LRRTM4: variants seen among roughly 807,000 people sequenced by gnomAD.
LRRTM4 encodes leucine-rich repeat transmembrane neuronal protein 4.
A neutral mutation model predicts 47.6 loss-of-function variants in LRRTM4; 25 were observed. The observed-to-expected ratio is 0.53, with a 90% CI of 0.38 to 0.73. The LOEUF (loss-of-function observed/expected upper bound fraction) is 0.73. Ranked by LOEUF, LRRTM4 falls within the 30% of genes least tolerant of loss-of-function variation. The probability of loss-of-function intolerance (pLI) is 0.00; values close to 1 mark genes in which losing one functional copy is unlikely to be tolerated. For missense variants in LRRTM4, 638 were observed against 713.4 expected (o/e 0.89, Z 1.20); for synonymous variants, 311 against 269.5 (o/e 1.15, Z -1.51).
intron 3 of LRRTM4, among the ~76,000 whole-genome samples, chr2:77,166,513 C>A (rs188941407): frequency 1.3e-5 from 2 of 152,014 alleles, no homozygotes; most frequent in East Asian, 1.9e-4. Flanking sequence ...TACTAAGCCA[C>A]AAGAACAAAG....
At chr2:77,421,521 C>A (rs1674883868) in intron 3 of LRRTM4, among the ~76,000 whole-genome samples, 2 of 152,148 alleles carry the variant, frequency 1.3e-5, no homozygotes, top group South Asian at 2.1e-4. Flanking sequence ...TCCTGGCTAA[C>A]ACGGTGAAAC....
At chr2:77,088,968 G>A (rs574398297) in intron 3 of LRRTM4, among the ~76,000 whole-genome samples, 15 of 152,068 alleles carry the variant, frequency 9.9e-5, no homozygotes, top group African/African-American at 3.4e-4. Flanking sequence ...AAGGAGACAC[G>A]TTTTATCCGT....
intron 3 of LRRTM4, among the ~76,000 whole-genome samples, chr2:77,154,974 C>T (rs1052586889): frequency 7.2e-5 from 11 of 151,938 alleles, no homozygotes; most frequent in African/African-American, 2.7e-4. Context: ...TGATTTGTAC[C>T]GGCCCTTGCA....
chr2:77,255,780 G>T (rs1675749064), intron 3 of LRRTM4, among the ~76,000 whole-genome samples: 1 of 151,874 alleles, frequency 6.6e-6, no homozygotes, highest in African/African-American at 2.4e-5. Flanking sequence ...AATGACGAAA[G>T]ATAAATTTAT....
chr2:77,384,224 T>G (rs1573342008), intron 3 of LRRTM4, among the ~76,000 whole-genome samples: 1 of 132,356 alleles, frequency 7.6e-6, no homozygotes, highest in Non-Finnish European at 1.7e-5. Context: ...GTAGATAAAG[T>G]TTTTTTTTTT....
At chr2:77,431,023 G>C (rs534895208) in intron 3 of LRRTM4, among the ~76,000 whole-genome samples, 2 of 148,834 alleles carry the variant, frequency 1.3e-5, no homozygotes, top group African/African-American at 5.2e-5. Flanking sequence ...TTAGACTCTG[G>C]AACTGGCATG....
intron 3 of LRRTM4, among the ~76,000 whole-genome samples, chr2:77,128,741 G>A (rs1671720104): frequency 6.6e-6 from 1 of 152,180 alleles, no homozygotes; most frequent in African/African-American, 2.4e-5. Context: ...CCGGGTTCAA[G>A]CGATTCTCCT....
chr2:77,170,001 T>C (rs891316157), intron 3 of LRRTM4, among the ~76,000 whole-genome samples: 13 of 152,318 alleles, frequency 8.5e-5, no homozygotes, highest in South Asian at 2.1e-4. Context: ...TGTGAATTCA[T>C]TGAGTTTTAT....
chr2:77,090,266 T>C (rs1057413025), intron 3 of LRRTM4, among the ~76,000 whole-genome samples: 2 of 152,100 alleles, frequency 1.3e-5, no homozygotes, highest in Non-Finnish European at 2.9e-5. Context: ...TTTTTCTTTA[T>C]CCCAAATCAG....
intron 3 of LRRTM4, among the ~76,000 whole-genome samples, chr2:77,026,913 A>C (rs1371176027): frequency 6.6e-6 from 1 of 152,164 alleles, no homozygotes; most frequent in African/African-American, 2.4e-5. Context: ...AGGAAATGTT[A>C]TTTTGAAGGA....
chr2:77,219,610 C>T (rs1165865536), intron 3 of LRRTM4, among the ~76,000 whole-genome samples: 1 of 152,148 alleles, frequency 6.6e-6, no homozygotes, highest in African/African-American at 2.4e-5. Context: ...AGACCTTTAC[C>T]ACAGTGTAAA....
chr2:77,077,630 C>A (rs1346868746), intron 3 of LRRTM4, among the ~76,000 whole-genome samples: 1 of 152,072 alleles, frequency 6.6e-6, no homozygotes, highest in Admixed American at 6.6e-5. Flanking sequence ...TGAGATAATT[C>A]CAGTGCCCAA....
chr2:77,048,458 A>G (rs1486172541), intron 3 of LRRTM4, among the ~76,000 whole-genome samples: 1 of 152,084 alleles, frequency 6.6e-6, no homozygotes, highest in East Asian at 1.9e-4. Context: ...GCTTCTTAAT[A>G]TAACTTTCTT....
At chr2:76,807,465 TATATAC>T (rs879693429) in intron 3 of LRRTM4, among the ~76,000 whole-genome samples, 7,553 of 102,406 alleles carry the variant, frequency 0.074, 491 homozygotes, top group East Asian at 0.25. Context: ...TATACATATA[TATATAC>T]ATATATATAT....
chr2:77,361,253 G>A (rs889575264), intron 3 of LRRTM4, among the ~76,000 whole-genome samples: 1 of 150,262 alleles, frequency 6.7e-6, no homozygotes, highest in Non-Finnish European at 1.5e-5. Context: ...AAAAAATTGG[G>A]TAGTAACTTT....
chr2:77,287,169 G>A (rs1676689002), intron 3 of LRRTM4, among the ~76,000 whole-genome samples: 1 of 151,936 alleles, frequency 6.6e-6, no homozygotes, highest in Admixed American at 6.6e-5. Context: ...AGCCCGTGTA[G>A]GTTACTGAGG....
chr2:77,337,637 C>T (rs982789419), intron 3 of LRRTM4, among the ~76,000 whole-genome samples: 1 of 152,064 alleles, frequency 6.6e-6, no homozygotes, highest in Admixed American at 6.6e-5. Context: ...AAGGTACTTG[C>T]TTCTCCTTTG....
chr2:77,090,032 C>T (rs143147138), intron 3 of LRRTM4, among the ~76,000 whole-genome samples: 5,393 of 152,140 alleles, frequency 0.035, 304 homozygotes, highest in African/African-American at 0.12. Context: ...TACAGACCCA[C>T]CTGACCTCTC....
chr2:77,228,682 G>A (rs759368225), intron 3 of LRRTM4, among the ~76,000 whole-genome samples: 5 of 152,318 alleles, frequency 3.3e-5, no homozygotes, highest in Middle Eastern at 3.4e-3. Flanking sequence ...TAGCAAGATT[G>A]GCTTTCAGCC....
Sources: gnomAD v4.1 joint callset for allele counts (sites outside exome capture counted in the v4.1 genomes callset) on GRCh38, gnomAD v4.1.1 for gene constraint, MANE v1.5 for transcripts, NCBI Gene and HGNC (gene_info 2026-07-23, HGNC 2026-07-21) for gene names.